Variants in HGF observed in about 807,000 individuals in gnomAD.
HGF encodes the protein fibroblast-derived tumor cytotoxic factor.
A neutral mutation model predicts 111.6 loss-of-function variants in HGF; 39 were observed. That is an observed-to-expected ratio of 0.35 (90% CI 0.27 to 0.46). The LOEUF is 0.46. HGF is among the 20% of genes least tolerant of loss of function. The probability of loss-of-function intolerance (pLI) is 1.00; values close to 1 mark genes in which losing one functional copy is unlikely to be tolerated. For missense variants in HGF, 735 were observed against 910.5 expected (o/e 0.81, Z 2.48); for synonymous variants, 285 against 294.8 (o/e 0.97, Z 0.34).
chr7:81,758,915 T>G, intron 2 of HGF, 111 bp from the exon 3 acceptor site: 1 of 694,992 alleles, frequency 1.4e-6, no homozygotes, highest in Non-Finnish European at 2.5e-6. Flanking sequence ...TAGAAACAAA[T>G]GCATAATTAC....
intron 10 of HGF, among the ~76,000 whole-genome samples, chr7:81,718,069 A>T (rs1293047193): frequency 6.6e-6 from 1 of 152,202 alleles, no homozygotes; most frequent in Non-Finnish European, 1.5e-5. Flanking sequence ...TCAATTCTAC[A>T]TGGCCACTTT....
chr7:81,729,543 C>T (rs998341281), intron 8 of HGF, 62 bp downstream of exon 8: 13 of 1,276,574 alleles, frequency 1.0e-5, no homozygotes, highest in East Asian at 6.9e-5. Flanking sequence ...TAAAAAGTAA[C>T]CACTCTACCT....
chr7:81,754,100 T>G (rs536943437), intron 4 of HGF, among the ~76,000 whole-genome samples: 2 of 151,956 alleles, frequency 1.3e-5, no homozygotes, highest in South Asian at 4.2e-4. Context: ...TATGGTAGAG[T>G]GGTGAGAAGT....
At chr7:81,759,694 C>T (rs954288103) in intron 2 of HGF, among the ~76,000 whole-genome samples, 13 of 151,894 alleles carry the variant, frequency 8.6e-5, no homozygotes, top group East Asian at 1.9e-4. Flanking sequence ...TTAGTAGAGA[C>T]GGGGTTTCAC....
At chr7:81,733,438 C>A (rs17155414) in intron 7 of HGF, among the ~76,000 whole-genome samples, 27,915 of 151,662 alleles carry the variant, frequency 0.18, 3,107 homozygotes, top group East Asian at 0.33. Context: ...GTGTATAACT[C>A]TAACAACTTA....
intron 1 of HGF, among the ~76,000 whole-genome samples, chr7:81,765,024 C>A (rs186489458): frequency 5.3e-4 from 80 of 152,002 alleles, no homozygotes; most frequent in African/African-American, 1.9e-3. Context: ...ACACGTATTT[C>A]TTAAATATGT....
At chr7:81,750,182 A>G (rs1478341159) in intron 5 of HGF, among the ~76,000 whole-genome samples, 1 of 152,100 alleles carries the variant, frequency 6.6e-6, no homozygotes, top group Admixed American at 6.5e-5. Context: ...TTCTCTGCCA[A>G]TGTTTTGACA....
chr7:81,736,693 G>A, intron 7 of HGF: 2 of 471,522 alleles, frequency 4.2e-6, no homozygotes, highest in South Asian at 1.5e-5. Context: ...AGACTATAAT[G>A]AGAACATGGA....
At chr7:81,742,813 C>G (rs1788061835) in intron 7 of HGF, 1 of 1,554,470 alleles carries the variant, frequency 6.4e-7, no homozygotes, top group Non-Finnish European at 8.7e-7. Context: ...GGTACAAAGA[C>G]AGCGAGAGAG....
chr7:81,739,741 C>A (rs752664670), intron 7 of HGF, among the ~76,000 whole-genome samples: 3 of 152,028 alleles, frequency 2.0e-5, no homozygotes, highest in Non-Finnish European at 4.4e-5. Flanking sequence ...GCCCCTTAAG[C>A]AATCTATGCC....
At chr7:81,717,038 G>A (rs1789730755) in intron 11 of HGF, among the ~76,000 whole-genome samples, 194 bp downstream of exon 11, 1 of 152,094 alleles carries the variant, frequency 6.6e-6, no homozygotes, top group Admixed American at 6.6e-5. Flanking sequence ...TTATCTATAC[G>A]AGAGATGGAG....
chr7:81,707,539 T>C (rs1789460781), intron 13 of HGF, among the ~76,000 whole-genome samples, 175 bp from the exon 14 acceptor site: 2 of 152,102 alleles, frequency 1.3e-5, no homozygotes, highest in South Asian at 4.1e-4. Context: ...TGATATTTGG[T>C]GATTGTAGCG....
intron 7 of HGF, chr7:81,736,744 G>T: frequency 2.1e-6 from 1 of 473,548 alleles, no homozygotes. Context: ...GGCTGGAACA[G>T]ACAGCATGAG....
At position 81,702,507 on chromosome 7, in the gene HGF, A is replaced by T; in HGVS notation, c.*74T>A. 1 of 1,246,018 alleles carries T rather than the reference A, an allele frequency of 8.0e-7. No individual in the cohort carries two copies. Among genetic ancestry groups the T allele is most frequent in the Middle Eastern group, 1.9e-4 (1 of 5,288 alleles). 77.2% of individuals were successfully genotyped at this position (1,246,018 alleles called of 1,614,324 possible). Reference sequence around the variant, plus strand: ...TTAGGATTGTTGTAAGTGACATTTTAAATTCCACATTCTCTGAAATCTTCA... The same window carrying T: ...TTAGGATTGTTGTAAGTGACATTTTTAATTCCACATTCTCTGAAATCTTCA... On this transcript the variant is annotated 3_prime_UTR_variant, in exon 18 of 18. Coordinates refer to ENST00000222390, the MANE Select transcript of HGF (RefSeq NM_000601.6).
At chr7:81,743,028 T>G (rs2116017082) in intron 7 of HGF, 1 of 1,208,422 alleles carries the variant, frequency 8.3e-7, no homozygotes, top group African/African-American at 1.5e-5. Context: ...CCCTAATGAC[T>G]TTGTGATGCT....
At chr7:81,743,500 G>A (rs1206493198) in intron 6 of HGF, 29 bp from the exon 7 acceptor site, 14 of 1,413,246 alleles carry the variant, frequency 9.9e-6, no homozygotes, top group East Asian at 2.3e-5. Flanking sequence ...AAAGTGTCAC[G>A]TAAATCTGCC....
chr7:81,702,394 G>T lies in HGF; in HGVS notation c.*187C>A, dbSNP rs1789305053. ...ATGTACCTTAATTCACTTCAACATT[G>T]ACAAAATAACACTGACAAACAAAAC... On this transcript the variant is annotated 3_prime_UTR_variant, in exon 18 of 18. Coordinates refer to ENST00000222390, the MANE Select transcript of HGF (RefSeq NM_000601.6). 1 of 575,608 alleles carries T rather than the reference G, an allele frequency of 1.7e-6. No homozygotes were observed. The highest frequency in any genetic ancestry group is 3.1e-6 in the Non-Finnish European group (1 of 322,196). The allele number at this position is 575,608 out of a possible 1,614,324, so 35.7% of individuals were successfully genotyped here.
At chr7:81,723,111 C>A (rs1320396482) in intron 9 of HGF, among the ~76,000 whole-genome samples, 1 of 151,830 alleles carries the variant, frequency 6.6e-6, no homozygotes, top group East Asian at 1.9e-4. Context: ...TACAACAAAC[C>A]CCCATAACAC....
chr7:81,762,621 T>C, intron 2 of HGF, 86 bp downstream of exon 2: 1 of 1,023,238 alleles, frequency 9.8e-7, no homozygotes, highest in South Asian at 1.3e-5. Context: ...TCAAATCACA[T>C]TGACTACAAC....
Sources: allele counts gnomAD v4.1 joint callset (sites outside exome capture counted in the v4.1 genomes callset), GRCh38; gene constraint gnomAD v4.1.1; transcripts MANE v1.5; gene names NCBI Gene and HGNC (gene_info 2026-07-23, HGNC 2026-07-21).